Variants in TNFRSF8 observed in about 807,000 individuals in gnomAD.
TNFRSF8 encodes the protein tumor necrosis factor receptor superfamily member 8.
A neutral mutation model predicts 70.8 loss-of-function variants in TNFRSF8; 26 were observed. The ratio of observed to expected loss-of-function variants is 0.37; its 90% confidence interval spans 0.27 to 0.51. TNFRSF8 has a LOEUF of 0.51. TNFRSF8 is among the 20% of genes least tolerant of loss of function. The pLI, the probability that TNFRSF8 is intolerant of heterozygous loss-of-function variation, is 0.94. For synonymous variants in TNFRSF8, 356 were observed against 339.2 expected, an observed-to-expected ratio of 1.05 and a Z score of -0.54; for missense variants, 720 against 807.9, an observed-to-expected ratio of 0.89 and a Z score of 1.32.
chr1:12,081,582 G>A (rs994249915), intron 1 of TNFRSF8, among the ~76,000 whole-genome samples: 12 of 152,030 alleles, frequency 7.9e-5, no homozygotes, highest in Non-Finnish European at 1.8e-4. Context: ...GACAACTCAA[G>A]CGCCATGTGA....
Position 12,123,315 on chromosome 1 carries a change from G to A in TNFRSF8, c.978G>A (p.Ala326=), listed in dbSNP as rs11569904. 11,432 of 1,613,130 alleles carry A rather than the reference G, an allele frequency of 7.1e-3. 55 individuals carry two copies. Among genetic ancestry groups the A allele is most frequent in the Non-Finnish European group, 8.6e-3 (10,123 of 1,179,678 alleles). Residue 326 remains alanine, a synonymous_variant, in exon 9 of 15, where the codon GCG becomes GCA. Transcript: ENST00000263932. ...DMAEKDTTFE[A]PPLGTQPDCN... ...CTGAGAAGGACACCACCTTTGAGGC[G>A]CCACCCCTGGGGACCCAGCCGGACT...
At chr1:12,106,647 G>T (rs1337169733) in intron 4 of TNFRSF8, among the ~76,000 whole-genome samples, 1 of 152,162 alleles carries the variant, frequency 6.6e-6, no homozygotes, top group Non-Finnish European at 1.5e-5. Flanking sequence ...TGGTGGGGGG[G>T]TGGAGTTCAA....
At chr1:12,123,614 C>A in intron 9 of TNFRSF8, 101 bp from the exon 10 acceptor site, 1 of 1,126,086 alleles carries the variant, frequency 8.9e-7, no homozygotes. Context: ...TCTAGGGGCC[C>A]AGGCTCTGGT....
rs140324941 is a variant in TNFRSF8 at position 12,135,765 on chromosome 1, C to T, written c.1335+152C>T. Reference sequence around the variant, plus strand: ...TCCCACAGTGCCCAGGGTGCAGGCCCGTCCTGCAAGTTCAGGCTGAGTCTG... The same window carrying T: ...TCCCACAGTGCCCAGGGTGCAGGCCTGTCCTGCAAGTTCAGGCTGAGTCTG... On this transcript the variant is annotated intron_variant, in intron 13 of 14. Transcript: ENST00000263932. The T allele has an allele frequency of 2.7e-4, 309 of 1,124,254 alleles. 3 individuals carry two copies. In the African/African-American group the frequency reaches 3.1e-3, roughly 11 times the overall value. The allele number at this position is 1,124,254 out of a possible 1,614,324, so 69.6% of individuals were successfully genotyped here. A position where few individuals can be genotyped will look rare whatever the true frequency, so the allele number is the denominator to read the frequency against.
chr1:12,123,403 T>A, intron 9 of TNFRSF8, 26 bp downstream of exon 9: 1 of 1,581,212 alleles, frequency 6.3e-7, no homozygotes, highest in Non-Finnish European at 8.6e-7. Context: ...CTTCTCTCTG[T>A]TTGGCTGCTG....
chr1:12,093,318 G>C (rs1044414160), intron 2 of TNFRSF8, among the ~76,000 whole-genome samples: 9 of 152,142 alleles, frequency 5.9e-5, no homozygotes, highest in African/African-American at 1.9e-4. Flanking sequence ...TTAGAGAAAA[G>C]ATCAAGATAC....
At position 12,109,916 on chromosome 1, in the gene TNFRSF8, G is replaced by C; in HGVS notation, c.513-125G>C. On this transcript the variant is annotated intron_variant, in intron 5 of 14. Transcript: ENST00000263932. This position sits in a 1 kb window ranked among gnomAD's most constrained non-coding sequence, Gnocchi z 4.4. The stretch of plus-strand genomic sequence containing the variant: ...GCCTTGCTCCCAGGAGCTTACAGTG[G>C]GCCCGCCAGAGGCAGTGGGCCAAGG... 2 of 1,233,420 alleles carry C rather than the reference G, an allele frequency of 1.6e-6. No homozygotes were observed. The highest frequency in any genetic ancestry group is 2.9e-5 in the South Asian group (2 of 69,032). 76.4% of individuals were successfully genotyped at this position (1,233,420 alleles called of 1,614,324 possible).
At chr1:12,111,711 C>T (rs1001250325) in intron 6 of TNFRSF8, among the ~76,000 whole-genome samples, 187 bp from the exon 7 acceptor site, 2 of 152,108 alleles carry the variant, frequency 1.3e-5, no homozygotes, top group South Asian at 2.1e-4. Flanking sequence ...ACCCTCCTCT[C>T]GTGTGGAATG....
chr1:12,100,176 AATATG>A (rs969397241), intron 3 of TNFRSF8, among the ~76,000 whole-genome samples: 3 of 152,106 alleles, frequency 2.0e-5, no homozygotes, highest in South Asian at 2.1e-4. Flanking sequence ...CTAAAAAAAA[AATATG>A]ATATGAAAGA....
intron 2 of TNFRSF8, among the ~76,000 whole-genome samples, chr1:12,089,366 A>T (rs899264579): frequency 6.6e-6 from 1 of 152,302 alleles, no homozygotes; most frequent in Non-Finnish European, 1.5e-5. Context: ...CTCTTCTGTG[A>T]CAGCCAGCCA....
intron 1 of TNFRSF8, among the ~76,000 whole-genome samples, chr1:12,064,523 C>T (rs1640704689): frequency 6.6e-6 from 1 of 151,966 alleles, no homozygotes; most frequent in African/African-American, 2.4e-5. Flanking sequence ...CTGAATGATA[C>T]AGAGGGAAAG....
chr1:12,125,899 G>A, intron 10 of TNFRSF8, 52 bp from the exon 11 acceptor site: 2 of 1,433,054 alleles, frequency 1.4e-6, no homozygotes, highest in Non-Finnish European at 2.0e-6. Context: ...GGCTGGGGCT[G>A]TCTTGTGTGG....
Position 12,123,784 on chromosome 1 carries a change from T to A in TNFRSF8, c.1110T>A (p.Ala370=), listed in dbSNP as rs758625858. The A allele has an allele frequency of 1.3e-6, 2 of 1,577,196 alleles. No homozygotes were observed. The highest frequency in any genetic ancestry group is 8.6e-7 in the Non-Finnish European group (1 of 1,160,940). ...AGACGCTGCCCATCCCAACCAGCGC[T>A]CCCGTCGCTCTCTCCTCCACGGGGA... ...ASKTLPIPTS[A]PVALSSTGKP... Residue 370 remains alanine, a synonymous_variant, in exon 10 of 15, where the codon GCT becomes GCA. Transcript: ENST00000263932.
intron 3 of TNFRSF8, among the ~76,000 whole-genome samples, chr1:12,098,495 C>T (rs1169107238): frequency 2.0e-5 from 3 of 152,032 alleles, no homozygotes; most frequent in African/African-American, 7.2e-5. Context: ...GGTTAGTAAC[C>T]AGACAGCCTG....
At position 12,104,519 on chromosome 1, in the gene TNFRSF8, G is replaced by T. The variant is rs1641484258; in HGVS notation, c.409G>T (p.Val137Phe). The T allele has an allele frequency of 1.9e-6, 3 of 1,614,066 alleles. No homozygotes were observed. The South Asian group carries it at 3.3e-5, about 18-fold the overall frequency. Residue 137 changes from valine (V) to phenylalanine (F), a missense_variant, in exon 4 of 15, where the codon GTC becomes TTC. Physicochemically the swap from Val to Phe is conservative, Grantham distance 50 (BLOSUM62 -1). Coordinates refer to ENST00000263932, the MANE Select transcript of TNFRSF8 (RefSeq NM_001243.5). ...FHSVCPAGMI[V>F]KFPGTAQKNT... Reference sequence around the variant, plus strand: ...TTCTGTCTGTCCGGCAGGGATGATTGTCAAGTTCCCAGGTCAGTGTCCCCA... The same window carrying T: ...TTCTGTCTGTCCGGCAGGGATGATTTTCAAGTTCCCAGGTCAGTGTCCCCA...
chr1:12,092,653 G>A (rs1307976683), intron 2 of TNFRSF8, among the ~76,000 whole-genome samples: 4 of 149,000 alleles, frequency 2.7e-5, no homozygotes, highest in African/African-American at 5.0e-5. Flanking sequence ...GACTACAGGC[G>A]CCCGCCACCA....
At chr1:12,073,493 T>TTCCC (rs999853051) in intron 1 of TNFRSF8, among the ~76,000 whole-genome samples, 3 of 151,298 alleles carry the variant, frequency 2.0e-5, no homozygotes, top group African/African-American at 7.3e-5. Context: ...TCTTCCTTCC[T>TTCCC]TCCCTCCCTC....
At position 12,113,542 on chromosome 1, in the gene TNFRSF8, AGAGT is replaced by A; in HGVS notation, c.793+1532_793+1535del. Among the ~76,000 whole-genome samples the A allele has an allele frequency of 6.6e-6, 1 of 151,976 alleles. No individual in the cohort carries two copies. Among genetic ancestry groups the A allele is most frequent in the East Asian group, 1.9e-4 (1 of 5,162 alleles). On this transcript the variant is annotated intron_variant, in intron 7 of 14. Transcript: ENST00000263932. This position sits in a 1 kb window ranked among gnomAD's most constrained non-coding sequence, Gnocchi z 4.9. ...GAGAGAGACAGAAAGAGGGAGAGAAAGAGTGAGAGAGAGAAAGAGAGAGACAGAG... is the reference window on the plus strand; with the variant it reads ...GAGAGAGACAGAAAGAGGGAGAGAAAGAGAGAGAGAAAGAGAGAGACAGAG...
At chr1:12,087,870 T>A (rs1436848339) in intron 2 of TNFRSF8, among the ~76,000 whole-genome samples, 1 of 152,152 alleles carries the variant, frequency 6.6e-6, no homozygotes, top group Non-Finnish European at 1.5e-5. Context: ...ACTTCCCCTC[T>A]CTAAGGCCCA....
Sources: gnomAD v4.1 joint callset for allele counts (sites outside exome capture counted in the v4.1 genomes callset) on GRCh38, gnomAD v4.1.1 for gene constraint, Gnocchi (gnomAD v3.1) non-coding constraint, MANE v1.5 for transcripts, NCBI Gene and HGNC (gene_info 2026-07-23, HGNC 2026-07-21) for gene names.